The following UNC80 variants were observed in gnomAD, a reference collection of about 807,000 sequenced individuals.
The protein encoded by UNC80 is unc-80 subunit of NALCN channel complex.
A neutral mutation model predicts 384.6 loss-of-function variants in UNC80; 164 were observed. That is an observed-to-expected ratio of 0.43 (90% CI 0.38 to 0.49). The LOEUF (loss-of-function observed/expected upper bound fraction) is 0.49. Ranked by LOEUF, UNC80 falls within the 20% of genes least tolerant of loss-of-function variation. The pLI, the probability that UNC80 is intolerant of heterozygous loss-of-function variation, is 0.00. For synonymous variants in UNC80, 1,486 were observed against 1,527.8 expected (o/e 0.97, Z 0.64); for missense variants, 3,330 against 4,143.0 (o/e 0.80, Z 5.39).
At position 209,829,091 on chromosome 2, in the gene UNC80, A is replaced by C. The variant is rs2080763756; in HGVS notation, c.2479-141A>C. 3 of 870,022 alleles carry C rather than the reference A, an allele frequency of 3.4e-6. No individual in the cohort carries two copies. In the African/African-American group the frequency reaches 5.1e-5, roughly 15 times the overall value. The allele number at this position is 870,022 out of a possible 1,614,324, so 53.9% of individuals were successfully genotyped here. On this transcript the variant is annotated intron_variant, in intron 14 of 64. Coordinates refer to ENST00000673920, the MANE Select transcript of UNC80 (RefSeq NM_001371986.1). ...TGTGCTCACATCTTACTCAGACAAG[A>C]GGGGCTAGCAGGGTTGCCTGTCACC...
At chr2:209,948,596 A>C (rs1366907193) in intron 47 of UNC80, among the ~76,000 whole-genome samples, 2 of 152,130 alleles carry the variant, frequency 1.3e-5, no homozygotes, top group African/African-American at 4.8e-5. Flanking sequence ...TCTGCAAATC[A>C]TGAGAGTTGT....
Position 209,926,868 on chromosome 2 carries a change from GC to G in UNC80, c.5690del (p.Pro1897ArgfsTer27). The G allele has an allele frequency of 6.4e-7, 1 of 1,552,122 alleles. No homozygotes were observed. The highest frequency in any genetic ancestry group is 8.7e-7 in the Non-Finnish European group (1 of 1,147,038). ...ATGAGGAACATACCACTGAACACAC[GC>G]CGAACCACCATGTGCCTCAGCCCCC... Reference protein sequence around the residue: ...EDEEHTTEHTPNHHVPQPPQA... With the variant: ...EDEEHTTEHTXNHHVPQPPQA... On this transcript the variant is annotated frameshift_variant, in exon 36 of 65. Transcript: ENST00000673920. LOFTEE classifies it high-confidence loss of function.
At chr2:209,780,452 T>A (rs2077093886) in intron 4 of UNC80, among the ~76,000 whole-genome samples, 1 of 152,214 alleles carries the variant, frequency 6.6e-6, no homozygotes, top group South Asian at 2.1e-4. Flanking sequence ...AGGGCTTTTC[T>A]GTTTGAGAGA....
In UNC80 at chr2:209,976,190, A is replaced by G; in HGVS notation, c.8659A>G (p.Lys2887Glu). 6.4e-7 allele frequency: 1 copy of G among 1,551,622 alleles called. No homozygotes were observed. The highest frequency in any genetic ancestry group is 8.7e-7 in the Non-Finnish European group (1 of 1,146,982). The change falls in exon 57 of 65, where the codon AAG becomes GAG. Residue 2887 changes from lysine (K) to glutamate (E), a missense_variant. Coordinates refer to ENST00000673920, the MANE Select transcript of UNC80 (RefSeq NM_001371986.1). This position sits in a 1 kb window ranked among gnomAD's most constrained non-coding sequence, Gnocchi z 4.3. ...SQWYWLSLQV[K>E]EMALRKVGGL... The stretch of plus-strand genomic sequence containing the variant: ...GTGGTACTGGCTGAGCCTCCAGGTG[A>G]AGGAGATGGCTCTGCGGAAGGTGGG...
chr2:209,966,320 GA>G (rs1559408663), intron 51 of UNC80, among the ~76,000 whole-genome samples: 1 of 151,782 alleles, frequency 6.6e-6, no homozygotes, highest in African/African-American at 2.4e-5. Context: ...TTTTTTTGAG[GA>G]AAAAAATCAA....
intron 53 of UNC80, 104 bp downstream of exon 53, chr2:209,969,995 T>G: frequency 2.1e-6 from 3 of 1,426,188 alleles, no homozygotes; most frequent in Non-Finnish European, 2.8e-6. Context: ...TGCCCCTATC[T>G]GCCCATGAAA....
intron 3 of UNC80, among the ~76,000 whole-genome samples, chr2:209,776,272 A>G (rs895342952): frequency 6.6e-6 from 1 of 152,148 alleles, no homozygotes; most frequent in Non-Finnish European, 1.5e-5. Flanking sequence ...GTAATATATG[A>G]ATATATTCTC....
chr2:209,874,811 C>T (rs2084632084), intron 23 of UNC80, among the ~76,000 whole-genome samples: 1 of 152,188 alleles, frequency 6.6e-6, no homozygotes, highest in African/African-American at 2.4e-5. Flanking sequence ...ACTTTGGAAA[C>T]ATTCATTTAA....
chr2:209,862,275 G>C (rs1204240657), intron 22 of UNC80, among the ~76,000 whole-genome samples: 1 of 151,840 alleles, frequency 6.6e-6, no homozygotes, highest in Non-Finnish European at 1.5e-5. Flanking sequence ...TTGCTATGTG[G>C]TGCGGAGAAG....
At chr2:209,841,333 G>A (rs2081729238) in intron 20 of UNC80, among the ~76,000 whole-genome samples, 1 of 151,914 alleles carries the variant, frequency 6.6e-6, no homozygotes, top group Non-Finnish European at 1.5e-5. Flanking sequence ...GTTCCTTGTG[G>A]GTTTTTGTTG....
chr2:209,934,887 G>T (rs1286382912), intron 39 of UNC80, among the ~76,000 whole-genome samples: 3 of 152,160 alleles, frequency 2.0e-5, no homozygotes, highest in African/African-American at 7.2e-5. Flanking sequence ...TCCAAAAAAA[G>T]TGATCAGTTT....
intron 38 of UNC80, 26 bp downstream of exon 38, chr2:209,931,080 T>A (rs1350121531): frequency 1.3e-6 from 2 of 1,483,392 alleles, no homozygotes; most frequent in African/African-American, 2.8e-5. Flanking sequence ...TCATTTCCAA[T>A]TACGAAGCAG....
intron 22 of UNC80, among the ~76,000 whole-genome samples, chr2:209,867,130 G>A (rs1490451305): frequency 6.6e-6 from 1 of 152,236 alleles, no homozygotes; most frequent in Non-Finnish European, 1.5e-5. Context: ...TTTAAGACCT[G>A]TGTTAGAAGT....
chr2:209,783,869 C>T (rs1253302309), intron 4 of UNC80, among the ~76,000 whole-genome samples: 1 of 152,128 alleles, frequency 6.6e-6, no homozygotes, highest in Non-Finnish European at 1.5e-5. Flanking sequence ...TAATTTCCTG[C>T]TTCTACATAC....
At chr2:209,830,339 T>C (rs998393894) in intron 15 of UNC80, among the ~76,000 whole-genome samples, 1 of 152,182 alleles carries the variant, frequency 6.6e-6, no homozygotes, top group African/African-American at 2.4e-5. Flanking sequence ...ACAATATAAA[T>C]TAAAAAGACA....
Position 209,820,360 on chromosome 2 carries a change from G to A in UNC80, c.2012G>A (p.Arg671His), listed in dbSNP as rs990004372. The A allele has an allele frequency of 8.4e-6, 13 of 1,551,530 alleles. No individual in the cohort carries two copies. In the East Asian group the frequency reaches 9.8e-5, roughly 12 times the overall value. The change falls in exon 13 of 65, where the codon CGT becomes CAT. Residue 671 changes from arginine to histidine, a missense_variant. Around this residue, in one of 8 missense-constraint regions of UNC80, gnomAD observed 937 missense variants for 1,026.8 expected, o/e 0.91. Transcript: ENST00000673920. ...YLVLNHDISS[R>H]ICDVALNIVE... is the part of the protein sequence containing the mutation. ...GTCCTTAATCATGACATCAGCTCTC[G>A]TATCTGTGACGTGGCGCTAAACATT...
At chr2:209,863,192 T>C (rs2083467560) in intron 22 of UNC80, among the ~76,000 whole-genome samples, 1 of 152,214 alleles carries the variant, frequency 6.6e-6, no homozygotes, top group South Asian at 2.1e-4. Flanking sequence ...GAGTTTCTGC[T>C]GAGAGGCCTG....
intron 23 of UNC80, among the ~76,000 whole-genome samples, chr2:209,874,552 C>T (rs2084605901): frequency 6.6e-6 from 1 of 152,192 alleles, no homozygotes; most frequent in Non-Finnish European, 1.5e-5. Context: ...TGTCTTTTGT[C>T]CTTTGTCTTT....
At position 209,917,728 on chromosome 2, in the gene UNC80, C is replaced by A. The variant is rs764778728; in HGVS notation, c.5030-49C>A. On this transcript the variant is annotated intron_variant, in intron 31 of 64. Coordinates refer to ENST00000673920, the MANE Select transcript of UNC80 (RefSeq NM_001371986.1). ...TTCCACTTCTCCCCAACCCCAGGAA[C>A]TAAGCAATATTTTAAAAGCATAGCT... 1.9e-6 allele frequency: 3 copies of A among 1,543,360 alleles called. No homozygotes were observed. In the South Asian group the frequency reaches 3.6e-5, roughly 19 times the overall value.
Sources: gnomAD v4.1 joint callset for allele counts (sites outside exome capture counted in the v4.1 genomes callset) on GRCh38, gnomAD v4.1.1 for gene constraint, gnomAD v4.1.1 regional missense constraint, Gnocchi (gnomAD v3.1) non-coding constraint, MANE v1.5 for transcripts, NCBI Gene and HGNC (gene_info 2026-07-23, HGNC 2026-07-21) for gene names.